Variants in FBXO25 observed in about 807,000 individuals in gnomAD.
FBXO25 encodes F-box only protein 25.
A neutral mutation model predicts 51.9 loss-of-function variants in FBXO25; 45 were observed. The ratio of observed to expected loss-of-function variants is 0.87; its 90% CI spans 0.68 to 1.11. The LOEUF (loss-of-function observed/expected upper bound fraction) is 1.11, where lower values mean the gene tolerates loss of function less well. Ranked by LOEUF, FBXO25 falls within the 50% of genes most tolerant of loss-of-function variation. The pLI is 0.00. For synonymous variants in FBXO25, 199 were observed against 151.0 expected (o/e 1.32, Z -2.33); for missense variants, 507 against 428.5 (o/e 1.18, Z -1.62).
At chr8:428,667 G>A (rs1462730349) in intron 2 of FBXO25, among the ~76,000 whole-genome samples, 1 of 152,106 alleles carries the variant, frequency 6.6e-6, no homozygotes, top group Non-Finnish European at 1.5e-5. Context: ...TTCCCAAACT[G>A]AAACTCTGTC....
intron 5 of FBXO25, among the ~76,000 whole-genome samples, chr8:444,904 C>G (rs772570098): frequency 6.6e-6 from 1 of 152,162 alleles, no homozygotes; most frequent in African/African-American, 2.4e-5. Context: ...GAGGAAATTA[C>G]CTAGCAATGC....
At position 421,246 on chromosome 8, in the gene FBXO25, G is replaced by A. The variant is rs146894063; in HGVS notation, c.134+8033G>A. On this transcript the variant is annotated intron_variant, in intron 2 of 9. Coordinates refer to ENST00000350302, the MANE Select transcript of FBXO25 (RefSeq NM_183420.2). The stretch of plus-strand genomic sequence containing the variant: ...TAACTAATGCCTGATGATCTGAGGT[G>A]GCACAGTTTCATCCTGAAACCATCC... 2.5e-3 allele frequency among the ~76,000 whole-genome samples: 385 copies of A among 152,332 alleles called. 6 individuals carry two copies. The East Asian group carries it at 0.06, about 24-fold the overall frequency.
rs997371990 is a variant in FBXO25 at position 475,262 on chromosome 8, G to A, written c.*6458G>A. Reference sequence around the variant, plus strand: ...AATCATTTGACCCATATGTGCAAGGGTTTATTTGGGGATTTGCTATTCTGT... The same window carrying A: ...AATCATTTGACCCATATGTGCAAGGATTTATTTGGGGATTTGCTATTCTGT... On this transcript the variant is annotated 3_prime_UTR_variant, in exon 10 of 10. Transcript: ENST00000350302. 3 of 228,362 alleles carry A rather than the reference G, an allele frequency of 1.3e-5. No individual in the cohort carries two copies. The highest frequency in any genetic ancestry group is 5.3e-5 in the Admixed American group (1 of 18,812). The allele number at this position is 228,362 out of a possible 1,614,324, so 14.1% of individuals were successfully genotyped here. A position where few individuals can be genotyped will look rare whatever the true frequency, so the allele number is the denominator to read the frequency against.
chr8:419,225 C>G (rs1050793630), intron 2 of FBXO25, among the ~76,000 whole-genome samples: 3 of 151,836 alleles, frequency 2.0e-5, no homozygotes, highest in Non-Finnish European at 2.9e-5. Context: ...AAAAATTAGC[C>G]GAGCGTGGTG....
chr8:458,568 A>C lies in FBXO25; in HGVS notation c.843+17A>C. 1 of 1,612,374 alleles carries C rather than the reference A, an allele frequency of 6.2e-7. No individual in the cohort carries two copies. Among genetic ancestry groups the C allele is most frequent in the Non-Finnish European group, 8.5e-7 (1 of 1,178,892 alleles). On this transcript the variant is annotated intron_variant, in intron 8 of 9. Coordinates refer to ENST00000350302, the MANE Select transcript of FBXO25 (RefSeq NM_183420.2). ...GAAAAGCAGGTGAGTGGGATGCAGC[A>C]GTCTCCCCTCAGGCTGGGAGTTTAT...
At chr8:458,616 C>A in intron 8 of FBXO25, 65 bp downstream of exon 8, 1 of 1,458,020 alleles carries the variant, frequency 6.9e-7, no homozygotes, top group Non-Finnish European at 9.4e-7. Context: ...GGGGCCATAC[C>A]CTATAAACTC....
At chr8:467,487 A>G (rs529622378) in intron 9 of FBXO25, among the ~76,000 whole-genome samples, 70 of 152,356 alleles carry the variant, frequency 4.6e-4, no homozygotes, top group African/African-American at 1.5e-3. Context: ...TGTTGTCTTA[A>G]GACTGTCTTC....
At chr8:459,604 T>C (rs2116799705) in intron 8 of FBXO25, among the ~76,000 whole-genome samples, 1 of 152,238 alleles carries the variant, frequency 6.6e-6, no homozygotes, top group East Asian at 1.9e-4. Context: ...GGCAAGGAAG[T>C]GCACAAGGGC....
In FBXO25 at chr8:474,011, GTGC is replaced by G; in HGVS notation, c.*5208_*5210del. On this transcript the variant is annotated 3_prime_UTR_variant, in exon 10 of 10. Coordinates refer to ENST00000350302, the MANE Select transcript of FBXO25 (RefSeq NM_183420.2). ...TAGTGGCATTAAATACATTCATACT[GTGC>G]AACCTTCTCTACCACGTATCCACAA... 1 of 152,154 alleles carries G rather than the reference GTGC, an allele frequency of 6.6e-6. No homozygotes were observed. Among genetic ancestry groups the G allele is most frequent in the Non-Finnish European group, 1.5e-5 (1 of 68,090 alleles). 9.4% of individuals were successfully genotyped at this position (152,154 alleles called of 1,614,324 possible). A position where few individuals can be genotyped will look rare whatever the true frequency, so the allele number is the denominator to read the frequency against.
Position 475,822 on chromosome 8 carries a change from G to C in FBXO25, c.*7018G>C, listed in dbSNP as rs900038722. On this transcript the variant is annotated 3_prime_UTR_variant, in exon 10 of 10. Transcript: ENST00000350302. ...GGACACTAGGATTTTCTACATATAA[G>C]ATCATGTCATCTGCAAACAGATAAT... 20 of 152,060 alleles carry C rather than the reference G, an allele frequency of 1.3e-4. No individual in the cohort carries two copies. The highest frequency in any genetic ancestry group is 2.9e-4 in the Non-Finnish European group (20 of 67,996). The allele number at this position is 152,060 out of a possible 1,614,324, so 9.4% of individuals were successfully genotyped here.
chr8:417,137 G>A (rs77985892), intron 2 of FBXO25, among the ~76,000 whole-genome samples: 6 of 152,156 alleles, frequency 3.9e-5, no homozygotes, highest in South Asian at 2.1e-4. Context: ...GCCCGGAAGC[G>A]GGGCCAGTAG....
At chr8:418,003 C>T (rs13266277) in intron 2 of FBXO25, among the ~76,000 whole-genome samples, 2 of 152,252 alleles carry the variant, frequency 1.3e-5, no homozygotes, top group South Asian at 4.1e-4. Flanking sequence ...TTATACTCTG[C>T]ATAGTAGTGT....
rs1800581050 is a variant in FBXO25, at chr8:474,379, T to A, written c.*5575T>A. On this transcript the variant is annotated 3_prime_UTR_variant, in exon 10 of 10. Transcript: ENST00000350302. ...AGTTGCTTCCACCTTTTAGCTATTG[T>A]GAATATTGCTGCCGTAAACATGGGT... The A allele has an allele frequency of 3.8e-6, 1 of 265,418 alleles. No individual in the cohort carries two copies. Among genetic ancestry groups the A allele is most frequent in the Non-Finnish European group, 7.2e-6 (1 of 138,034 alleles). 16.4% of individuals were successfully genotyped at this position (265,418 alleles called of 1,614,324 possible).
intron 5 of FBXO25, among the ~76,000 whole-genome samples, chr8:441,286 A>G (rs575181460): frequency 4.2e-4 from 64 of 152,228 alleles, no homozygotes; most frequent in African/African-American, 7.2e-4. Context: ...TATTTAATAA[A>G]TGGTGTTGGA....
At chr8:441,539 C>T (rs1401515916) in intron 5 of FBXO25, among the ~76,000 whole-genome samples, 2 of 152,172 alleles carry the variant, frequency 1.3e-5, no homozygotes, top group Non-Finnish European at 1.5e-5. Context: ...AACTAAAAAG[C>T]TTCTGCATAG....
chr8:451,253 T>C lies in FBXO25; in HGVS notation c.476-16T>C, dbSNP rs1799067661. On this transcript the variant is annotated splice_polypyrimidine_tract_variant and intron_variant, in intron 6 of 9. Transcript: ENST00000350302. ...TTAACTGTATCAATCCATAGTTTTA[T>C]TTTTATTTATTCCAGTTCTTGATGA... 6.3e-7 allele frequency: 1 copy of C among 1,579,574 alleles called. No homozygotes were observed. Among genetic ancestry groups the C allele is most frequent in the African/African-American group, 1.4e-5 (1 of 72,788 alleles).
chr8:432,378 T>C, intron 3 of FBXO25, among the ~76,000 whole-genome samples: 1 of 152,200 alleles, frequency 6.6e-6, no homozygotes, highest in Non-Finnish European at 1.5e-5. Context: ...CCACTTAATG[T>C]TTTCAAACCA....
chr8:409,076 G>A (rs1796336667), intron 1 of FBXO25, among the ~76,000 whole-genome samples: 1 of 152,128 alleles, frequency 6.6e-6, no homozygotes, highest in Non-Finnish European at 1.5e-5. Flanking sequence ...AACTTTAGTA[G>A]CATTGTTTTC....
Position 451,329 on chromosome 8 carries a change from C to T in FBXO25, c.536C>T (p.Thr179Ile). The T allele has an allele frequency of 1.2e-6, 2 of 1,613,868 alleles. No individual in the cohort carries two copies. Among genetic ancestry groups the T allele is most frequent in the Non-Finnish European group, 1.7e-6 (2 of 1,179,906 alleles). ...IKDLLQDLSSTLCILIRGVGK... is the reference protein window; with the variant it reads ...IKDLLQDLSSILCILIRGVGK... ...GATCTTCTGCAAGACCTAAGCTCTA[C>T]CCTCTGCATTCTTATTAGAGGAGTA... Residue 179 changes from threonine (T) to isoleucine (I), a missense_variant, in exon 7 of 10, where the codon ACC becomes ATC. Thr to Ile is a moderately conservative substitution (Grantham distance 89, BLOSUM62 -1). Coordinates refer to ENST00000350302, the MANE Select transcript of FBXO25 (RefSeq NM_183420.2).
Sources: allele counts gnomAD v4.1 joint callset (sites outside exome capture counted in the v4.1 genomes callset), GRCh38; gene constraint gnomAD v4.1.1; transcripts MANE v1.5; gene names NCBI Gene and HGNC (gene_info 2026-07-23, HGNC 2026-07-21).